The following ADAMTS17 variants were observed in gnomAD, a reference collection of about 807,000 sequenced individuals.
ADAMTS17 encodes ADAM metallopeptidase with thrombospondin type 1 motif 17, also known as A disintegrin and metalloproteinase with thrombospondin motifs 17.
A neutral mutation model predicts 141.5 loss-of-function variants in ADAMTS17; 113 were observed. The observed-to-expected ratio is 0.80, with a 90% CI of 0.69 to 0.93. ADAMTS17 has a LOEUF of 0.93. Among genes scored for constraint, ADAMTS17 ranks in the 40% least tolerant of loss-of-function variants. The pLI, the probability that ADAMTS17 is intolerant of heterozygous loss-of-function variation, is 0.00. For synonymous variants in ADAMTS17, 768 were observed against 630.6 expected (o/e 1.22, Z -3.27); for missense variants, 1,659 against 1,517.9 (o/e 1.09, Z -1.54).
At chr15:100,302,026 T>G (rs1348689487) in intron 3 of ADAMTS17, among the ~76,000 whole-genome samples, 1 of 152,228 alleles carries the variant, frequency 6.6e-6, no homozygotes, top group South Asian at 2.1e-4. Context: ...AACAGTTGCA[T>G]CACCTAAATA....
At chr15:100,093,729 G>C (rs1038514615) in intron 15 of ADAMTS17, among the ~76,000 whole-genome samples, 3 of 152,176 alleles carry the variant, frequency 2.0e-5, no homozygotes, top group Non-Finnish European at 4.4e-5. Context: ...CAACACGCCT[G>C]CTGGGCTGCC....
At chr15:100,058,774 G>A (rs907743826) in intron 15 of ADAMTS17, among the ~76,000 whole-genome samples, 3 of 152,210 alleles carry the variant, frequency 2.0e-5, no homozygotes, top group Non-Finnish European at 4.4e-5. Flanking sequence ...GTAGCGGAAT[G>A]GGTGGGAGAG....
chr15:100,297,092 G>C (rs2064186491), intron 3 of ADAMTS17, among the ~76,000 whole-genome samples: 1 of 152,178 alleles, frequency 6.6e-6, no homozygotes, highest in Non-Finnish European at 1.5e-5. Context: ...GCCAAGGTTG[G>C]AAAGATAAGT....
At chr15:100,286,390 G>A (rs377241653) in intron 3 of ADAMTS17, among the ~76,000 whole-genome samples, 7 of 152,212 alleles carry the variant, frequency 4.6e-5, no homozygotes, top group East Asian at 3.9e-4. Context: ...CACTTCCACC[G>A]CTCCTATGAA....
At chr15:100,143,124 G>A (rs528095837) in intron 10 of ADAMTS17, among the ~76,000 whole-genome samples, 1 of 152,336 alleles carries the variant, frequency 6.6e-6, no homozygotes, top group Admixed American at 6.5e-5. Flanking sequence ...GGACCAGGGT[G>A]GTGGTGATGG....
chr15:100,257,874 C>G lies in ADAMTS17; in HGVS notation c.1031+3605G>C, dbSNP rs373164487. ...CCACCTCCAAAACCTTTCCATCACC[C>G]CACACCGAAACTCTGTACCCATGAA... On this transcript the variant is annotated intron_variant, in intron 6 of 21. Coordinates refer to ENST00000268070, the MANE Select transcript of ADAMTS17 (RefSeq NM_139057.4). 3.9e-4 allele frequency among the ~76,000 whole-genome samples: 59 copies of G among 152,328 alleles called. No homozygotes were observed. The South Asian group carries it at 6.8e-3, about 18-fold the overall frequency.
At chr15:100,085,170 C>T (rs2035015452) in intron 15 of ADAMTS17, among the ~76,000 whole-genome samples, 1 of 152,114 alleles carries the variant, frequency 6.6e-6, no homozygotes, top group Admixed American at 6.5e-5. Context: ...AGCTGAAAGC[C>T]ATGGCACAGG....
chr15:100,220,836 T>G (rs1030572631), intron 7 of ADAMTS17, among the ~76,000 whole-genome samples: 7 of 152,262 alleles, frequency 4.6e-5, no homozygotes, highest in African/African-American at 1.7e-4. Context: ...TGTCACAGCA[T>G]GTAATGTTAG....
chr15:100,230,696 G>A (rs1165820946), intron 7 of ADAMTS17, among the ~76,000 whole-genome samples: 1 of 152,200 alleles, frequency 6.6e-6, no homozygotes, highest in Non-Finnish European at 1.5e-5. Context: ...AGGAAGTATT[G>A]CATTTTGAAT....
In ADAMTS17 at chr15:100,172,944, A is replaced by G. The variant is rs184785417; in HGVS notation, c.1182-17624T>C. ...GCATTCTGTTTCCAACATCTATCAAAGTTTGAGAGCCATTGCTGCAGTGTA... is the reference window on the plus strand; with the variant it reads ...GCATTCTGTTTCCAACATCTATCAAGGTTTGAGAGCCATTGCTGCAGTGTA... On this transcript the variant is annotated intron_variant, in intron 8 of 21. Coordinates refer to ENST00000268070, the MANE Select transcript of ADAMTS17 (RefSeq NM_139057.4). 1.1e-3 allele frequency among the ~76,000 whole-genome samples: 171 copies of G among 152,310 alleles called. 1 individual carries two copies. The highest frequency in any genetic ancestry group is 4.0e-3 in the African/African-American group (166 of 41,566).
chr15:99,995,774 G>A (rs986601148), intron 19 of ADAMTS17, among the ~76,000 whole-genome samples: 2 of 152,300 alleles, frequency 1.3e-5, no homozygotes, highest in Admixed American at 1.3e-4. Context: ...CCAGCTTCGC[G>A]AGCTTCCCAT....
In ADAMTS17 at chr15:100,341,320, G is replaced by A. The variant is rs993878108; in HGVS notation, c.169C>T (p.Pro57Ser). 1.5e-5 allele frequency: 16 copies of A among 1,037,284 alleles called. No individual in the cohort carries two copies. Among genetic ancestry groups the A allele is most frequent in the Admixed American group, 1.1e-4 (2 of 17,788 alleles). 64.3% of individuals were successfully genotyped at this position (1,037,284 alleles called of 1,614,324 possible). The change falls in exon 2 of 22, where the codon CCC (proline) becomes TCC (serine). Residue 57 changes from proline to serine, a missense_variant. Pro to Ser is a moderately conservative substitution (Grantham distance 74, BLOSUM62 -1). Transcript: ENST00000268070. The part of the protein sequence containing the change: ...DVHLPPLPAA[P>S]GPRRRRRPRT... Reference sequence around the variant, plus strand: ...GGGCGTCGCCGCCGTCGGGGCCCGGGGGCTGCGGGCAGCGGCGGCAGGTGC... The same window carrying A: ...GGGCGTCGCCGCCGTCGGGGCCCGGAGGCTGCGGGCAGCGGCGGCAGGTGC...
At chr15:100,098,838 G>T (rs982871464) in intron 14 of ADAMTS17, among the ~76,000 whole-genome samples, 7 of 152,132 alleles carry the variant, frequency 4.6e-5, no homozygotes, top group African/African-American at 7.2e-5. Context: ...GGGGCCACAG[G>T]GCCAATGCCC....
At chr15:100,087,491 G>A (rs1471000805) in intron 15 of ADAMTS17, among the ~76,000 whole-genome samples, 2 of 152,146 alleles carry the variant, frequency 1.3e-5, no homozygotes, top group African/African-American at 4.8e-5. Context: ...CATTTTATGA[G>A]GCCAGCATCA....
chr15:100,293,612 C>T (rs1451321055), intron 3 of ADAMTS17, among the ~76,000 whole-genome samples: 1 of 152,144 alleles, frequency 6.6e-6, no homozygotes, highest in Non-Finnish European at 1.5e-5. Flanking sequence ...TGATGGGGGT[C>T]TAGACAGCCA....
intron 18 of ADAMTS17, among the ~76,000 whole-genome samples, chr15:100,027,797 C>A (rs780474826): frequency 5.3e-5 from 8 of 152,174 alleles, no homozygotes; most frequent in Non-Finnish European, 1.2e-4. Context: ...GATAGTTTAG[C>A]TAGTTATAAA....
intron 3 of ADAMTS17, among the ~76,000 whole-genome samples, chr15:100,319,602 T>C (rs1225799326): frequency 6.6e-6 from 1 of 152,102 alleles, no homozygotes; most frequent in East Asian, 1.9e-4. Context: ...TCCCGGCTAC[T>C]CGGAGGCTGA....
chr15:100,160,267 T>G (rs1208780104), intron 8 of ADAMTS17, among the ~76,000 whole-genome samples: 2 of 152,192 alleles, frequency 1.3e-5, no homozygotes, highest in Non-Finnish European at 2.9e-5. Context: ...TTTTCAAACC[T>G]GGGGCACAAG....
intron 7 of ADAMTS17, among the ~76,000 whole-genome samples, 171 bp downstream of exon 7, chr15:100,253,965 A>G (rs909109069): frequency 1.3e-5 from 2 of 152,074 alleles, no homozygotes; most frequent in Admixed American, 6.5e-5. Context: ...AATAACTTCA[A>G]ATCATTTCAG....
Sources: gnomAD v4.1 joint callset for allele counts (sites outside exome capture counted in the v4.1 genomes callset) on GRCh38, gnomAD v4.1.1 for gene constraint, MANE v1.5 for transcripts, NCBI Gene and HGNC (gene_info 2026-07-23, HGNC 2026-07-21) for gene names.